POLN: variants seen among roughly 807,000 people sequenced by gnomAD.
The protein encoded by POLN is DNA polymerase nu.
In POLN, 108 loss-of-function variants were observed where a neutral mutation model predicts 113.5. The observed-to-expected ratio is 0.95, with a 90% confidence interval of 0.81 to 1.12. The LOEUF (loss-of-function observed/expected upper bound fraction) is 1.12. Among genes scored for constraint, POLN ranks in the 50% most tolerant of loss-of-function variants. The probability of loss-of-function intolerance (pLI) is 0.00; values close to 1 mark genes in which losing one functional copy is unlikely to be tolerated. For missense variants in POLN, 1,097 were observed against 1,077.1 expected (o/e 1.02, Z -0.26); for synonymous variants, 386 against 391.5 (o/e 0.99, Z 0.17).
At chr4:2,122,765 A>G (rs953212727) in intron 19 of POLN, among the ~76,000 whole-genome samples, 1 of 152,200 alleles carries the variant, frequency 6.6e-6, no homozygotes, top group South Asian at 2.1e-4. Context: ...TTTTACCACA[A>G]TGAAAAAAAG....
At chr4:2,083,069 T>G (rs529519657) in intron 21 of POLN, 1 of 152,324 alleles carries the variant, frequency 6.6e-6, no homozygotes, top group African/African-American at 2.4e-5. Context: ...CCTAGTTCCA[T>G]GGTAACTCTG....
At chr4:2,088,574 A>T in intron 20 of POLN, 8 of 595,766 alleles carry the variant, frequency 1.3e-5, no homozygotes, top group Non-Finnish European at 1.9e-5. Flanking sequence ...CAGTGCAAAA[A>T]TACGCATTAG....
chr4:2,217,886 C>G (rs756722695), intron 3 of POLN, among the ~76,000 whole-genome samples: 16 of 152,212 alleles, frequency 1.1e-4, no homozygotes, highest in Non-Finnish European at 1.3e-4. Context: ...CCTCCACTCC[C>G]TAAACCCAGA....
intron 2 of POLN, chr4:2,240,498 T>C: frequency 6.2e-7 from 1 of 1,613,938 alleles, no homozygotes; most frequent in Non-Finnish European, 8.5e-7. Context: ...TCCTTGACTC[T>C]GCTTCAGCTT....
intron 17 of POLN, among the ~76,000 whole-genome samples, 190 bp downstream of exon 17, chr4:2,131,043 A>C (rs1482065707): frequency 1.3e-5 from 2 of 152,090 alleles, no homozygotes; most frequent in Non-Finnish European, 2.9e-5. Context: ...AAATTAGCCA[A>C]GTATGGTGGT....
intron 9 of POLN, 103 bp downstream of exon 9, chr4:2,176,163 G>T: frequency 1.1e-6 from 1 of 894,494 alleles, no homozygotes; most frequent in Non-Finnish European, 1.8e-6. Context: ...AGAACTCAAC[G>T]TTTCGTTTCC....
chr4:2,195,747 T>C (rs532156897), intron 6 of POLN, among the ~76,000 whole-genome samples: 2 of 152,280 alleles, frequency 1.3e-5, no homozygotes, highest in African/African-American at 4.8e-5. Flanking sequence ...CCTGAGCCAC[T>C]GTTCCTAGCC....
chr4:2,139,513 C>A (rs533310608), intron 16 of POLN, among the ~76,000 whole-genome samples: 1 of 152,220 alleles, frequency 6.6e-6, no homozygotes, highest in African/African-American at 2.4e-5. Flanking sequence ...TGTCAAGAGG[C>A]AATGCACAGA....
intron 11 of POLN, among the ~76,000 whole-genome samples, chr4:2,171,904 A>G (rs553308009): frequency 6.6e-6 from 1 of 152,232 alleles, no homozygotes; most frequent in Non-Finnish European, 1.5e-5. Flanking sequence ...GAAAGAATCA[A>G]TTCTCCAACA....
At position 2,171,133 on chromosome 4, in the gene POLN, G is replaced by A. The variant is rs759246674; in HGVS notation, c.1423C>T (p.Arg475Trp). ...EQEAHFVAGERFLITSNNQLR... is the reference protein window; with the variant it reads ...EQEAHFVAGEWFLITSNNQLR... ...TGGTTATTGCTCGTTATAAGAAACC[G>A]TTCTCCTGCAACAAAATGAGCTTCT... The change falls in exon 12 of 26, where the codon CGG becomes TGG. Residue 475 changes from arginine (R) to tryptophan (W), a missense_variant. Physicochemically the swap from Arg to Trp is moderately radical, Grantham distance 101. Coordinates refer to ENST00000511885, the MANE Select transcript of POLN (RefSeq NM_181808.4). 2.8e-5 allele frequency: 45 copies of A among 1,613,424 alleles called. No homozygotes were observed. Among genetic ancestry groups the A allele is most frequent in the Middle Eastern group, 1.6e-4 (1 of 6,082 alleles).
At chr4:2,154,577 G>C (rs1043986051) in intron 16 of POLN, among the ~76,000 whole-genome samples, 57 of 152,276 alleles carry the variant, frequency 3.7e-4, no homozygotes, top group African/African-American at 1.3e-3. Flanking sequence ...TTTGGCGAGA[G>C]GCTAATTTGG....
intron 3 of POLN, among the ~76,000 whole-genome samples, chr4:2,224,367 G>A (rs1010427082): frequency 6.6e-6 from 1 of 152,078 alleles, no homozygotes; most frequent in African/African-American, 2.4e-5. Context: ...GCCTGGAGCT[G>A]TTTTACAATT....
At chr4:2,159,442 A>AT (rs767836592) in intron 13 of POLN, among the ~76,000 whole-genome samples, 20 of 152,346 alleles carry the variant, frequency 1.3e-4, no homozygotes, top group Non-Finnish European at 2.8e-4. Flanking sequence ...TGGAAATAAG[A>AT]TTCCTCTTGA....
At chr4:2,181,023 A>G (rs1157494980) in intron 7 of POLN, among the ~76,000 whole-genome samples, 1 of 152,216 alleles carries the variant, frequency 6.6e-6, no homozygotes, top group Non-Finnish European at 1.5e-5. Flanking sequence ...AAAATTTAAA[A>G]AAAGAAGACA....
chr4:2,163,323 C>G (rs1732647904), intron 13 of POLN, among the ~76,000 whole-genome samples: 2 of 152,352 alleles, frequency 1.3e-5, no homozygotes, highest in East Asian at 3.9e-4. Context: ...TTAAGATCTT[C>G]TAACTCTCCT....
At chr4:2,163,146 A>T (rs1285301204) in intron 13 of POLN, among the ~76,000 whole-genome samples, 2 of 152,108 alleles carry the variant, frequency 1.3e-5, no homozygotes, top group Non-Finnish European at 2.9e-5. Flanking sequence ...GTGAACCATT[A>T]AATCATAGTG....
intron 19 of POLN, among the ~76,000 whole-genome samples, chr4:2,100,076 G>GA (rs34515865): frequency 0.81 from 111,590 of 137,430 alleles, 45,504 homozygotes; most frequent in Non-Finnish European, 0.88. Context: ...TCTCAAAAAA[G>GA]AAAAAAAAAG....
chr4:2,125,763 C>A (rs1445257233), intron 19 of POLN, among the ~76,000 whole-genome samples: 2 of 152,156 alleles, frequency 1.3e-5, no homozygotes, highest in Non-Finnish European at 2.9e-5. Flanking sequence ...CCAGGAGGAG[C>A]TGGAGCTGAC....
intron 16 of POLN, among the ~76,000 whole-genome samples, chr4:2,142,523 C>T (rs1366281568): frequency 1.3e-5 from 2 of 152,146 alleles, no homozygotes; most frequent in Admixed American, 6.5e-5. Context: ...GTAAGAGACT[C>T]GGAAAGGTGG....
Sources: allele counts gnomAD v4.1 joint callset (sites outside exome capture counted in the v4.1 genomes callset), GRCh38; gene constraint gnomAD v4.1.1; transcripts MANE v1.5; gene names NCBI Gene and HGNC (gene_info 2026-07-23, HGNC 2026-07-21).